KCNB2: variants seen among roughly 807,000 people sequenced by gnomAD.
The protein encoded by KCNB2 is potassium voltage-gated channel subfamily B member 2.
A neutral mutation model predicts 61.5 loss-of-function variants in KCNB2; 15 were observed. The ratio of observed to expected loss-of-function variants is 0.24; its 90% CI spans 0.16 to 0.38. The LOEUF is 0.38. Among genes scored for constraint, KCNB2 ranks in the 10% least tolerant of loss-of-function variants. The pLI is 1.00. For synonymous variants in KCNB2, 457 were observed against 446.0 expected (o/e 1.02, Z -0.31); for missense variants, 828 against 1,125.2 (o/e 0.74, Z 3.78).
intron 2 of KCNB2, among the ~76,000 whole-genome samples, chr8:72,872,291 AAG>A (rs1413476943): frequency 6.6e-6 from 1 of 152,216 alleles, no homozygotes; most frequent in East Asian, 1.9e-4. Context: ...TCTCAGCAGA[AAG>A]AGCTCTGACC....
At chr8:72,679,865 A>T (rs2128988949) in intron 2 of KCNB2, among the ~76,000 whole-genome samples, 1 of 152,284 alleles carries the variant, frequency 6.6e-6, no homozygotes, top group African/African-American at 2.4e-5. Context: ...GCCTATGAAG[A>T]CTGCTCCCTG....
intron 2 of KCNB2, among the ~76,000 whole-genome samples, chr8:72,778,753 A>AG (rs1563382497): frequency 4.1e-5 from 6 of 145,612 alleles, no homozygotes; most frequent in African/African-American, 1.5e-4. Context: ...AAAAAAAAAA[A>AG]AAAAAAAAAA....
intron 2 of KCNB2, among the ~76,000 whole-genome samples, chr8:72,653,733 C>T (rs1806246560): frequency 6.6e-6 from 1 of 152,140 alleles, no homozygotes; most frequent in South Asian, 2.1e-4. Context: ...ATCGTCATGA[C>T]AGAGACCATA....
At chr8:72,582,020 A>G (rs981075520) in intron 2 of KCNB2, among the ~76,000 whole-genome samples, 4 of 152,186 alleles carry the variant, frequency 2.6e-5, no homozygotes, top group Non-Finnish European at 4.4e-5. Context: ...TCCACCCTTT[A>G]CAGGTCCTAG....
chr8:72,817,853 T>C (rs900534747), intron 2 of KCNB2, among the ~76,000 whole-genome samples: 1 of 152,188 alleles, frequency 6.6e-6, no homozygotes, highest in Non-Finnish European at 1.5e-5. Flanking sequence ...GTTTTTATGC[T>C]CATTCTCAGT....
rs1189336093 is a variant in KCNB2 at position 72,561,727 on chromosome 8, A to ATATATATATATGTG, written c.-93-5914_-93-5913insATATATATATGTGT. Among the ~76,000 whole-genome samples the ATATATATATATGTG allele has an allele frequency of 3.4e-4, 12 of 35,262 alleles. 1 individual carries two copies. Among genetic ancestry groups the ATATATATATATGTG allele is most frequent in the Admixed American group, 5.3e-4 (1 of 1,896 alleles). The allele number at this position is 35,262 out of a possible 152,430, so 23.1% of individuals were successfully genotyped here. A position where few individuals can be genotyped will look rare whatever the true frequency, so the allele number is the denominator to read the frequency against. ...TATATATATATATATATATATATAT[A>ATATATATATATGTG]TCTATATCTATATATATATGTATAT... On this transcript the variant is annotated intron_variant, in intron 1 of 2. Transcript: ENST00000523207.
At chr8:72,706,322 A>G (rs906086004) in intron 2 of KCNB2, among the ~76,000 whole-genome samples, 2 of 152,224 alleles carry the variant, frequency 1.3e-5, no homozygotes, top group Admixed American at 6.5e-5. Context: ...TTGGTTATAG[A>G]TCTGTTGATG....
At position 72,936,186 on chromosome 8, in the gene KCNB2, C is replaced by A; in HGVS notation, c.831C>A (p.Tyr277Ter). Residue 277 changes from tyrosine (Y) to a stop codon, truncating the protein, a stop_gained, in exon 3 of 3, where the codon TAC becomes TAA. Transcript: ENST00000523207. LOFTEE classifies it high-confidence loss of function. The surrounding 1 kb of genome is among the most constrained non-coding windows in gnomAD (Gnocchi z 5.6). ...TTGATTTGCTGGCCATCTTGCCGTA[C>A]TATGTCACCATTTTTCTGACGGAGT... is the stretch of plus-strand genomic sequence containing the variant. Reference protein sequence around the residue: ...NVIDLLAILPYYVTIFLTESN... With the variant: ...NVIDLLAILP 1 of 1,614,208 alleles carries A rather than the reference C, an allele frequency of 6.2e-7. No individual in the cohort carries two copies. The highest frequency in any genetic ancestry group is 8.5e-7 in the Non-Finnish European group (1 of 1,180,034).
chr8:72,622,290 G>A (rs571767790), intron 2 of KCNB2, among the ~76,000 whole-genome samples: 1 of 152,298 alleles, frequency 6.6e-6, no homozygotes, highest in African/African-American at 2.4e-5. Flanking sequence ...AAGAAGAAAA[G>A]CCTACCTCTG....
At chr8:72,788,405 G>C (rs1050767721) in intron 2 of KCNB2, among the ~76,000 whole-genome samples, 3 of 152,014 alleles carry the variant, frequency 2.0e-5, no homozygotes, top group African/African-American at 7.2e-5. Context: ...AGGAGTCCTG[G>C]GGTCTCTTCT....
intron 1 of KCNB2, among the ~76,000 whole-genome samples, chr8:72,541,890 A>G (rs1288398187): frequency 1.3e-5 from 2 of 152,190 alleles, no homozygotes; most frequent in African/African-American, 2.4e-5. Context: ...TGTTTAATTT[A>G]GCTACTTTTA....
At chr8:72,654,844 A>C (rs760810138) in intron 2 of KCNB2, among the ~76,000 whole-genome samples, 1 of 152,184 alleles carries the variant, frequency 6.6e-6, no homozygotes, top group Non-Finnish European at 1.5e-5. Context: ...ATGCTTATAC[A>C]TAGCGAGTGG....
At chr8:72,839,912 CTTT>C (rs936885562) in intron 2 of KCNB2, among the ~76,000 whole-genome samples, 2 of 145,774 alleles carry the variant, frequency 1.4e-5, no homozygotes, top group South Asian at 2.2e-4. Flanking sequence ...CGTGCCCAGC[CTTT>C]TTTTTTTTTT....
intron 2 of KCNB2, among the ~76,000 whole-genome samples, chr8:72,764,299 A>G (rs1408926568): frequency 6.6e-6 from 1 of 152,192 alleles, no homozygotes; most frequent in Admixed American, 6.5e-5. Flanking sequence ...GATTTGGCAA[A>G]TAACAGAATG....
At chr8:72,777,399 T>C (rs1048390160) in intron 2 of KCNB2, among the ~76,000 whole-genome samples, 1 of 152,144 alleles carries the variant, frequency 6.6e-6, no homozygotes, top group African/African-American at 2.4e-5. Context: ...TTAGAAATGA[T>C]AGAGACTGTG....
intron 2 of KCNB2, among the ~76,000 whole-genome samples, chr8:72,926,211 T>C (rs1328757339): frequency 6.6e-6 from 1 of 152,096 alleles, no homozygotes; most frequent in Non-Finnish European, 1.5e-5. Context: ...GTAACAAATC[T>C]GCACATCCTG....
rs192515942 is a variant in KCNB2 at position 72,925,229 on chromosome 8, C to T, written c.580-10706C>T. ...ATGGTGATAGATGAGATGATGAAGC[C>T]GACTAGGTGTCCAAGGAACAAAGCC... On this transcript the variant is annotated intron_variant, in intron 2 of 2. Coordinates refer to ENST00000523207, the MANE Select transcript of KCNB2 (RefSeq NM_004770.3). 1.4e-4 allele frequency among the ~76,000 whole-genome samples: 22 copies of T among 152,178 alleles called. No homozygotes were observed. The East Asian group carries it at 2.1e-3, about 15-fold the overall frequency.
At chr8:72,571,641 A>G (rs1355298077) in intron 2 of KCNB2, among the ~76,000 whole-genome samples, 1 of 152,198 alleles carries the variant, frequency 6.6e-6, no homozygotes, top group Non-Finnish European at 1.5e-5. Flanking sequence ...TGGTGACTGT[A>G]CATGTCCTCA....
At chr8:72,897,935 G>A (rs530546257) in intron 2 of KCNB2, among the ~76,000 whole-genome samples, 2 of 152,170 alleles carry the variant, frequency 1.3e-5, no homozygotes, top group South Asian at 2.1e-4. Flanking sequence ...CCTCTTGGAG[G>A]GACAGAGGTA....
Sources: allele counts gnomAD v4.1 joint callset (sites outside exome capture counted in the v4.1 genomes callset), GRCh38; gene constraint gnomAD v4.1.1; non-coding constraint Gnocchi (gnomAD v3.1); transcripts MANE v1.5; gene names NCBI Gene and HGNC (gene_info 2026-07-23, HGNC 2026-07-21).